The following CHD6 variants were observed in gnomAD, a reference collection of about 807,000 sequenced individuals.
CHD6 encodes the protein ATP-dependent chromatin remodeler CHD6.
CHD6 carries 50 observed loss-of-function variants against 276.9 expected under a neutral mutation model. The ratio of observed to expected loss-of-function variants is 0.18; its 90% confidence interval spans 0.14 to 0.23. The LOEUF is 0.23. Ranked by LOEUF, CHD6 falls within the 10% of genes least tolerant of loss-of-function variation. The probability of loss-of-function intolerance (pLI) is 1.00; values close to 1 mark genes in which losing one functional copy is unlikely to be tolerated. For missense variants in CHD6, 2,564 were observed against 3,365.8 expected (o/e 0.76, Z 5.89); for synonymous variants, 1,173 against 1,229.3 (o/e 0.95, Z 0.96).
Position 41,599,711 on chromosome 20 carries a change from T to A in CHD6, c.-24+18629A>T, listed in dbSNP as rs140353327. Among the ~76,000 whole-genome samples the A allele has an allele frequency of 3.7e-4, 56 of 152,322 alleles. 1 individual carries two copies. Among genetic ancestry groups the A allele is most frequent in the African/African-American group, 1.3e-3 (54 of 41,570 alleles). ...AATAAGTTCCTCTTCAAAGCTTCCT[T>A]CGTCTTTCTCTCTGTACACAGCCCT... On this transcript the variant is annotated intron_variant, in intron 1 of 36. Coordinates refer to ENST00000373233, the MANE Select transcript of CHD6 (RefSeq NM_032221.5).
At position 41,422,080 on chromosome 20, in the gene CHD6, C is replaced by A; in HGVS notation, c.4556-1G>T. 1 of 1,600,342 alleles carries A rather than the reference C, an allele frequency of 6.2e-7. No homozygotes were observed. Among genetic ancestry groups the A allele is most frequent in the Non-Finnish European group, 8.5e-7 (1 of 1,171,354 alleles). ...ACGTAGATGGTGGTATCTGGGGGAC[C>A]TGGAGAGAAAGGGAAATAAAGCCTA... On this transcript the variant is annotated splice_acceptor_variant, in intron 30 of 36. Transcript: ENST00000373233. LOFTEE classifies it high-confidence loss of function.
chr20:41,582,156 C>T (rs557940759), intron 1 of CHD6, among the ~76,000 whole-genome samples: 2 of 151,990 alleles, frequency 1.3e-5, no homozygotes, highest in Non-Finnish European at 2.9e-5. Flanking sequence ...AAAACCTACA[C>T]CTAAAATGTA....
chr20:41,588,966 C>T (rs976429894), intron 1 of CHD6, among the ~76,000 whole-genome samples: 14 of 152,176 alleles, frequency 9.2e-5, no homozygotes, highest in Admixed American at 7.8e-4. Flanking sequence ...CAAAAATCCT[C>T]AATAAAATAC....
intron 3 of CHD6, among the ~76,000 whole-genome samples, chr20:41,527,400 G>T (rs1161747012): frequency 1.3e-5 from 2 of 151,920 alleles, no homozygotes; most frequent in East Asian, 1.9e-4. Flanking sequence ...CAGCCTGGGC[G>T]ACAGAGCGAG....
At chr20:41,577,963 A>G (rs1407015843) in intron 1 of CHD6, among the ~76,000 whole-genome samples, 5 of 152,250 alleles carry the variant, frequency 3.3e-5, no homozygotes, top group Non-Finnish European at 7.3e-5. Context: ...TACAAAGTAC[A>G]GTGTCTGGCA....
intron 17 of CHD6, among the ~76,000 whole-genome samples, chr20:41,467,758 G>A (rs1324418696): frequency 6.7e-6 from 1 of 149,590 alleles, no homozygotes; most frequent in Non-Finnish European, 1.5e-5. Context: ...AGGAAGGACA[G>A]ATGAATTCAC....
At chr20:41,417,742 AAATGT>A (rs1392818622) in intron 31 of CHD6, among the ~76,000 whole-genome samples, 1 of 152,262 alleles carries the variant, frequency 6.6e-6, no homozygotes, top group Non-Finnish European at 1.5e-5. Context: ...ACAGTCTATG[AAATGT>A]AACACGGCAA....
chr20:41,449,633 A>G (rs1002737895), intron 23 of CHD6, among the ~76,000 whole-genome samples: 1 of 152,364 alleles, frequency 6.6e-6, no homozygotes, highest in Admixed American at 6.5e-5. Flanking sequence ...CCCTTGGTTT[A>G]GCCAAAGAAA....
intron 26 of CHD6, among the ~76,000 whole-genome samples, chr20:41,437,909 G>A (rs564721375): frequency 1.3e-5 from 2 of 151,658 alleles, no homozygotes; most frequent in African/African-American, 4.9e-5. Context: ...CTACAGGCAA[G>A]GACCTTTATT....
intron 27 of CHD6, among the ~76,000 whole-genome samples, chr20:41,434,798 C>T (rs2047655864): frequency 1.3e-5 from 2 of 152,192 alleles, no homozygotes; most frequent in South Asian, 4.1e-4. Context: ...ATTCTTCTCT[C>T]AACAACTGAT....
intron 1 of CHD6, among the ~76,000 whole-genome samples, chr20:41,586,302 G>A (rs542402021): frequency 6.6e-6 from 1 of 152,314 alleles, no homozygotes; most frequent in Non-Finnish European, 1.5e-5. Context: ...CTCCGGATCC[G>A]GCAGGGTGTC....
intron 25 of CHD6, among the ~76,000 whole-genome samples, chr20:41,444,513 C>T (rs1056474502): frequency 6.6e-6 from 1 of 152,200 alleles, no homozygotes; most frequent in African/African-American, 2.4e-5. Flanking sequence ...AGCAGCACTG[C>T]ACCACCTGAA....
intron 27 of CHD6, among the ~76,000 whole-genome samples, chr20:41,431,092 C>T (rs1037556073): frequency 1.3e-5 from 2 of 152,068 alleles, no homozygotes; most frequent in Non-Finnish European, 2.9e-5. Context: ...CTCAGCCTCC[C>T]AAAGGCTGGG....
chr20:41,436,650 C>T (rs2047718196), intron 27 of CHD6, among the ~76,000 whole-genome samples: 1 of 152,172 alleles, frequency 6.6e-6, no homozygotes, highest in Admixed American at 6.5e-5. Flanking sequence ...AACTCTGGTT[C>T]TTCCATACCA....
chr20:41,427,635 G>A (rs2047407313), intron 27 of CHD6, among the ~76,000 whole-genome samples: 1 of 152,132 alleles, frequency 6.6e-6, no homozygotes, highest in South Asian at 2.1e-4. Flanking sequence ...AATTTGTCTT[G>A]GAGAGTGAAA....
chr20:41,489,414 C>T (rs1211096017), intron 12 of CHD6, among the ~76,000 whole-genome samples: 1 of 152,188 alleles, frequency 6.6e-6, no homozygotes, highest in African/African-American at 2.4e-5. Context: ...CTCCAAACTC[C>T]CTGGCTGGGA....
chr20:41,513,385 C>G (rs1290612915), intron 4 of CHD6, among the ~76,000 whole-genome samples: 1 of 152,196 alleles, frequency 6.6e-6, no homozygotes, highest in East Asian at 1.9e-4. Context: ...GGTGGAAGCA[C>G]AGATTTTATG....
chr20:41,501,050 CT>C (rs2043818804), intron 5 of CHD6, among the ~76,000 whole-genome samples: 1 of 152,166 alleles, frequency 6.6e-6, no homozygotes, highest in Non-Finnish European at 1.5e-5. Flanking sequence ...AGCCAACTAA[CT>C]AAAGTCTGAC....
At chr20:41,444,650 C>T (rs149401236) in intron 25 of CHD6, among the ~76,000 whole-genome samples, 4 of 151,984 alleles carry the variant, frequency 2.6e-5, no homozygotes, top group East Asian at 3.9e-4. Context: ...TTAAAGAATA[C>T]GTATTAGAAA....
Sources: allele counts gnomAD v4.1 joint callset (sites outside exome capture counted in the v4.1 genomes callset), GRCh38; gene constraint gnomAD v4.1.1; transcripts MANE v1.5; gene names NCBI Gene and HGNC (gene_info 2026-07-23, HGNC 2026-07-21).